Variants in ADAMTS8 observed in about 807,000 individuals in gnomAD.
ADAMTS8 encodes the protein A disintegrin and metalloproteinase with thrombospondin motifs 8.
A neutral mutation model predicts 64.4 loss-of-function variants in ADAMTS8; 50 were observed. That is an observed-to-expected ratio of 0.78 (90% confidence interval 0.62 to 0.98). The LOEUF is 0.98. Ranked by LOEUF, ADAMTS8 falls within the 50% of genes least tolerant of loss-of-function variation. ADAMTS8 has a pLI of 0.00. For synonymous variants in ADAMTS8, 556 were observed against 533.6 expected (o/e 1.04, Z -0.58); for missense variants, 1,192 against 1,208.2 (o/e 0.99, Z 0.20).
Position 130,427,725 on chromosome 11 carries a change from C to T in ADAMTS8, c.562G>A (p.Glu188Lys), listed in dbSNP as rs759454742. 3 of 1,595,250 alleles carry T rather than the reference C, an allele frequency of 1.9e-6. No individual in the cohort carries two copies. The highest frequency in any genetic ancestry group is 2.6e-6 in the Non-Finnish European group (3 of 1,171,890). Residue 188 changes from glutamate (E) to lysine (K), a missense_variant, in exon 1 of 9, where the codon GAG (glutamate) becomes AAG (lysine). Physicochemically the swap from Glu to Lys is moderately conservative, Grantham distance 56 (BLOSUM62 1). Transcript: ENST00000257359. The stretch of plus-strand genomic sequence containing the variant: ...TCTGCCTCCTCTTCTTGGCTCTCCT[C>T]CTCGCTGTCCTCCTGGTGGTCTCCT... ...ERGDHQEDSE[E>K]ESQEEEAEGA...
In ADAMTS8 at chr11:130,405,673, C is replaced by T. The variant is rs1285915573; in HGVS notation, c.2555G>A (p.Trp852Ter). 3 of 1,613,948 alleles carry T rather than the reference C, an allele frequency of 1.9e-6. No individual in the cohort carries two copies. Among genetic ancestry groups the T allele is most frequent in the Non-Finnish European group, 2.5e-6 (3 of 1,179,962 alleles). Reference sequence around the variant, plus strand: ...CCTGCACTCTACAGTTCGCCTCTGCCAGCCGGCCCCGCAGGTGCTAGAGCA... The same window carrying T: ...CCTGCACTCTACAGTTCGCCTCTGCTAGCCGGCCCCGCAGGTGCTAGAGCA... ...SECSSTCGAG[W>*]QRRTVECRDP... Residue 852 changes from tryptophan (W) to a stop codon, truncating the protein, a stop_gained, in exon 9 of 9, where the codon TGG (tryptophan) becomes TAG (stop). Transcript: ENST00000257359. LOFTEE classifies it low-confidence loss of function (END_TRUNC).
rs763738205 is a variant in ADAMTS8, at chr11:130,405,665, G to A, written c.2563C>T (p.Arg855Ter). 28 of 1,613,884 alleles carry A rather than the reference G, an allele frequency of 1.7e-5. No homozygotes were observed. Among genetic ancestry groups the A allele is most frequent in the Admixed American group, 3.3e-5 (2 of 60,012 alleles). Residue 855 changes from arginine (R) to a stop codon, truncating the protein, a stop_gained, in exon 9 of 9, where the codon CGA becomes TGA. Coordinates refer to ENST00000257359, the MANE Select transcript of ADAMTS8 (RefSeq NM_007037.6). LOFTEE classifies it low-confidence loss of function (END_TRUNC). ...SSTCGAGWQRRTVECRDPSGQ... is the reference protein window; with the variant it reads ...SSTCGAGWQR ...GAGGGGTCCCTGCACTCTACAGTTCGCCTCTGCCAGCCGGCCCCGCAGGTG... is the reference window on the plus strand; with the variant it reads ...GAGGGGTCCCTGCACTCTACAGTTCACCTCTGCCAGCCGGCCCCGCAGGTG...
At position 130,406,107 on chromosome 11, in the gene ADAMTS8, G is replaced by A. The variant is rs1449619973; in HGVS notation, c.2121C>T (p.Val707=). ...TATTAGTGGCACCAGCTGGGATGGT[G>A]ACAATGTCATTGTAGCCATAACTGT... The part of the protein sequence containing the change: ...TPTNYGYNDI[V]TIPAGATNID... The change falls in exon 9 of 9, where the codon GTC becomes GTT. Residue 707 remains valine (V), a synonymous_variant. Transcript: ENST00000257359. 6.2e-7 allele frequency: 1 copy of A among 1,610,004 alleles called. No homozygotes were observed.
At chr11:130,418,746 C>A (rs529448149) in intron 2 of ADAMTS8, among the ~76,000 whole-genome samples, 260 of 152,342 alleles carry the variant, frequency 1.7e-3, no homozygotes, top group Non-Finnish European at 2.7e-3. Context: ...TAGAACTACT[C>A]TCTTCATTCC....
At chr11:130,420,815 T>C (rs766843195) in intron 1 of ADAMTS8, among the ~76,000 whole-genome samples, 9 of 152,150 alleles carry the variant, frequency 5.9e-5, no homozygotes, top group Non-Finnish European at 8.8e-5. Context: ...CACTTGCTCC[T>C]GGAGTTGGAT....
At chr11:130,426,264 C>T (rs1034651261) in intron 1 of ADAMTS8, among the ~76,000 whole-genome samples, 12 of 152,090 alleles carry the variant, frequency 7.9e-5, no homozygotes, top group Non-Finnish European at 1.6e-4. Flanking sequence ...TGGGTCTTTC[C>T]TACCCTGCCT....
Position 130,411,372 on chromosome 11 carries a change from A to G in ADAMTS8, c.1750+45T>C. On this transcript the variant is annotated intron_variant, in intron 6 of 8. Transcript: ENST00000257359. This position sits in a 1 kb window ranked among gnomAD's most constrained non-coding sequence, Gnocchi z 4.2. ...CATCCTCTGGGGATGCGTCATAGCAATGATAGTAGCTGCTCTGGCAGGGGC... is the reference window on the plus strand; with the variant it reads ...CATCCTCTGGGGATGCGTCATAGCAGTGATAGTAGCTGCTCTGGCAGGGGC... 3 of 1,593,636 alleles carry G rather than the reference A, an allele frequency of 1.9e-6. No individual in the cohort carries two copies. Among genetic ancestry groups the G allele is most frequent in the South Asian group, 1.1e-5 (1 of 87,270 alleles).
intron 1 of ADAMTS8, among the ~76,000 whole-genome samples, chr11:130,422,860 C>G (rs1301469260): frequency 6.6e-6 from 1 of 152,226 alleles, no homozygotes; most frequent in Non-Finnish European, 1.5e-5. Flanking sequence ...CCTCCCCACT[C>G]TAACAAATGG....
chr11:130,409,061 GC>G, intron 6 of ADAMTS8, 121 bp from the exon 7 acceptor site: 2 of 1,146,776 alleles, frequency 1.7e-6, no homozygotes, highest in Non-Finnish European at 2.4e-6. Flanking sequence ...CAACCCAGGC[GC>G]CCAGGGCCAG....
At chr11:130,427,535 G>C (rs1862184887) in intron 1 of ADAMTS8, 32 bp downstream of exon 1, 1 of 1,528,830 alleles carries the variant, frequency 6.5e-7, no homozygotes, top group Non-Finnish European at 8.7e-7. Flanking sequence ...GGGCCTCCGG[G>C]CACGGCGGCT....
In ADAMTS8 at chr11:130,427,931, C is replaced by T. The variant is rs1451405660; in HGVS notation, c.356G>A (p.Cys119Tyr). The change falls in exon 1 of 9, where the codon TGC becomes TAC. Residue 119 changes from cysteine (C) to tyrosine (Y), a missense_variant. Physicochemically the swap from Cys to Tyr is radical, Grantham distance 194. Around this residue, in one of 5 missense-constraint regions of ADAMTS8, gnomAD observed 741 missense variants for 710.6 expected, o/e 1.04. Transcript: ENST00000257359. ...CAGGAAGGAGCCGCTCAGCCCGCGG[C>T]ACAGGCTGACCGCCGCCAGCGACTC... ...EPESLAAVSL[C>Y]RGLSGSFLLD... 6.5e-7 allele frequency: 1 copy of T among 1,532,798 alleles called. No homozygotes were observed. The highest frequency in any genetic ancestry group is 8.7e-7 in the Non-Finnish European group (1 of 1,146,002). The allele number at this position is 1,532,798 out of a possible 1,614,324, so 94.9% of individuals were successfully genotyped here. A position where few individuals can be genotyped will look rare whatever the true frequency, so the allele number is the denominator to read the frequency against.
rs1308680488 is a variant in ADAMTS8, at chr11:130,411,083, C to T, written c.1750+334G>A. ...AGACACCAGCCCCTCTGCAGAGGCTCCTCCCCAATAAGTTTGGTTGGGAGT... is the reference window on the plus strand; with the variant it reads ...AGACACCAGCCCCTCTGCAGAGGCTTCTCCCCAATAAGTTTGGTTGGGAGT... On this transcript the variant is annotated intron_variant, in intron 6 of 8. Coordinates refer to ENST00000257359, the MANE Select transcript of ADAMTS8 (RefSeq NM_007037.6). This position sits in a 1 kb window ranked among gnomAD's most constrained non-coding sequence, Gnocchi z 4.2. 6.6e-6 allele frequency among the ~76,000 whole-genome samples: 1 copy of T among 152,162 alleles called. No homozygotes were observed. The highest frequency in any genetic ancestry group is 1.5e-5 in the Non-Finnish European group (1 of 68,040).
Position 130,411,931 on chromosome 11 carries a change from G to T in ADAMTS8, c.1567-331C>A, listed in dbSNP as rs74923121. 4.3e-4 allele frequency: 121 copies of T among 282,718 alleles called. 1 individual carries two copies. Among genetic ancestry groups the T allele is most frequent in the Non-Finnish European group, 1.0e-4 (15 of 149,440 alleles). The allele number at this position is 282,718 out of a possible 1,614,324, so 17.5% of individuals were successfully genotyped here. On this transcript the variant is annotated intron_variant, in intron 5 of 8. Coordinates refer to ENST00000257359, the MANE Select transcript of ADAMTS8 (RefSeq NM_007037.6). This position sits in a 1 kb window ranked among gnomAD's most constrained non-coding sequence, Gnocchi z 4.2. ...GTTGCATATAATGCAGTGGTTCTCC[G>T]TTGGGGCGAATTCTGCCCTCCAGGG...
intron 7 of ADAMTS8, 29 bp from the exon 8 acceptor site, chr11:130,408,668 G>C: frequency 6.2e-7 from 1 of 1,613,122 alleles, no homozygotes; most frequent in South Asian, 1.1e-5. Context: ...AGGTGAGGGA[G>C]GGCGTGTTGA....
intron 8 of ADAMTS8, among the ~76,000 whole-genome samples, chr11:130,406,872 G>T (rs1861891539): frequency 6.6e-6 from 1 of 152,178 alleles, no homozygotes. Flanking sequence ...GGTTCCATAG[G>T]CTGGGGAGAA....
Position 130,424,464 on chromosome 11 carries a change from G to A in ADAMTS8, c.720+3103C>T, listed in dbSNP as rs145851739. 1.6e-4 allele frequency among the ~76,000 whole-genome samples: 25 copies of A among 152,312 alleles called. No individual in the cohort carries two copies. In the East Asian group the frequency reaches 2.7e-3, roughly 16 times the overall value. On this transcript the variant is annotated intron_variant, in intron 1 of 8. Coordinates refer to ENST00000257359, the MANE Select transcript of ADAMTS8 (RefSeq NM_007037.6). ...AAGCAGCCACACAGGTGCTCAGACC[G>A]GGATTGATCACCTAGTCCAGGTGTC...
At chr11:130,417,159 G>T in intron 2 of ADAMTS8, 84 bp from the exon 3 acceptor site, 1 of 1,573,166 alleles carries the variant, frequency 6.4e-7, no homozygotes, top group Non-Finnish European at 8.7e-7. Context: ...TGTGGCCAGC[G>T]TGCACGTGGG....
chr11:130,409,459 G>A (rs960985465), intron 6 of ADAMTS8, among the ~76,000 whole-genome samples: 5 of 152,110 alleles, frequency 3.3e-5, no homozygotes, highest in African/African-American at 1.2e-4. Flanking sequence ...CTCCAACTCA[G>A]CATGGCCAAG....
intron 1 of ADAMTS8, among the ~76,000 whole-genome samples, chr11:130,425,134 C>T (rs1470680226): frequency 2.0e-5 from 3 of 152,180 alleles, no homozygotes; most frequent in South Asian, 2.1e-4. Context: ...AGCCACATCG[C>T]CCGGTCAGGA....
Sources: allele counts gnomAD v4.1 joint callset (sites outside exome capture counted in the v4.1 genomes callset), GRCh38; gene constraint gnomAD v4.1.1; regional missense constraint gnomAD v4.1.1; non-coding constraint Gnocchi (gnomAD v3.1); transcripts MANE v1.5; gene names NCBI Gene and HGNC (gene_info 2026-07-23, HGNC 2026-07-21).